The following RBFOX1 variants were observed in gnomAD, a reference collection of about 807,000 sequenced individuals.
RBFOX1 encodes RNA binding fox-1 homolog 1, also known as RNA binding protein fox-1 homolog 1.
In RBFOX1, 8 loss-of-function variants were observed where a neutral mutation model predicts 57.7. The observed-to-expected ratio is 0.14, with a 90% confidence interval of 0.08 to 0.25. RBFOX1 has a LOEUF of 0.25. RBFOX1 is among the 10% of genes least tolerant of loss of function. RBFOX1 has a pLI of 1.00. For missense variants in RBFOX1, 611 were observed against 548.5 expected (o/e 1.11, Z -1.14); for synonymous variants, 326 against 222.4 (o/e 1.47, Z -4.15).
intron 3 of RBFOX1, among the ~76,000 whole-genome samples, chr16:6,995,902 A>G (rs559955447): frequency 6.6e-6 from 1 of 152,334 alleles, no homozygotes; most frequent in East Asian, 1.9e-4. Context: ...TGAACCATAA[A>G]TTTATTAGAA....
chr16:7,384,439 C>G (rs2097844418), intron 4 of RBFOX1, among the ~76,000 whole-genome samples: 1 of 152,144 alleles, frequency 6.6e-6, no homozygotes. Flanking sequence ...TGAATTTAGG[C>G]TTGGAGCTGA....
At chr16:5,376,658 G>A (rs975776570) in intron 1 of RBFOX1, among the ~76,000 whole-genome samples, 1 of 151,888 alleles carries the variant, frequency 6.6e-6, no homozygotes, top group Admixed American at 6.5e-5. Context: ...GTTACTAGGC[G>A]TGGCACATGC....
At chr16:5,974,506 A>T (rs1230245590) in intron 4 of RBFOX1, among the ~76,000 whole-genome samples, 2 of 152,102 alleles carry the variant, frequency 1.3e-5, no homozygotes, top group African/African-American at 4.8e-5. Context: ...GCTACTCGGG[A>T]GGCTGAGGCA....
intron 2 of RBFOX1, among the ~76,000 whole-genome samples, chr16:6,506,161 C>T (rs1031333225): frequency 5.3e-5 from 8 of 152,190 alleles, no homozygotes; most frequent in South Asian, 2.1e-4. Context: ...AATTTAGAAG[C>T]GAAGAGTCTT....
At chr16:6,860,413 C>G (rs1343149974) in intron 3 of RBFOX1, among the ~76,000 whole-genome samples, 1 of 152,206 alleles carries the variant, frequency 6.6e-6, no homozygotes, top group Non-Finnish European at 1.5e-5. Context: ...TCTTACAAAA[C>G]ACTACACGTT....
chr16:7,409,650 C>G (rs1013801972), intron 4 of RBFOX1, among the ~76,000 whole-genome samples: 2 of 152,202 alleles, frequency 1.3e-5, no homozygotes, highest in Non-Finnish European at 2.9e-5. Flanking sequence ...CAGATGTAAT[C>G]CAATCACTAT....
At chr16:6,436,157 A>G (rs1417936375) in intron 2 of RBFOX1, among the ~76,000 whole-genome samples, 2 of 152,230 alleles carry the variant, frequency 1.3e-5, no homozygotes, top group South Asian at 2.1e-4. Context: ...GGTTAAAAAG[A>G]TAAATGCAGC....
intron 3 of RBFOX1, among the ~76,000 whole-genome samples, chr16:7,040,181 A>C (rs2045723838): frequency 6.6e-6 from 1 of 151,274 alleles, no homozygotes; most frequent in Non-Finnish European, 1.5e-5. Flanking sequence ...CCACCATGCT[A>C]GCTAGTTTTC....
At chr16:6,879,039 C>G (rs573831055) in intron 3 of RBFOX1, among the ~76,000 whole-genome samples, 2 of 152,248 alleles carry the variant, frequency 1.3e-5, no homozygotes, top group Admixed American at 6.5e-5. Context: ...TTTGACCACA[C>G]GTGTAGTAGT....
intron 3 of RBFOX1, among the ~76,000 whole-genome samples, chr16:6,711,128 C>T (rs2063636747): frequency 6.6e-6 from 1 of 152,206 alleles, no homozygotes; most frequent in African/African-American, 2.4e-5. Flanking sequence ...ATCCCTGCTG[C>T]AGGAAATCAT....
intron 4 of RBFOX1, among the ~76,000 whole-genome samples, chr16:7,240,890 C>T (rs1047424628): frequency 6.6e-6 from 1 of 152,102 alleles, no homozygotes; most frequent in African/African-American, 2.4e-5. Context: ...TTTTGAAACT[C>T]TTCTTGAAGT....
At chr16:6,784,723 G>T (rs573147465) in intron 3 of RBFOX1, among the ~76,000 whole-genome samples, 4 of 151,536 alleles carry the variant, frequency 2.6e-5, no homozygotes, top group African/African-American at 4.9e-5. Context: ...GTGCTTTATT[G>T]TGTGGATAGT....
intron 1 of RBFOX1, among the ~76,000 whole-genome samples, chr16:5,244,321 C>G (rs1009955202): frequency 1.5e-4 from 23 of 152,360 alleles, no homozygotes; most frequent in African/African-American, 5.5e-4. Context: ...ATATCACCCA[C>G]CTAGACTGCA....
At chr16:7,006,383 G>T (rs1347185848) in intron 3 of RBFOX1, among the ~76,000 whole-genome samples, 1 of 152,080 alleles carries the variant, frequency 6.6e-6, no homozygotes, top group Non-Finnish European at 1.5e-5. Flanking sequence ...TCGATTTTCT[G>T]ACCTTGTGAT....
At chr16:6,340,998 C>T (rs1052512520) in intron 2 of RBFOX1, among the ~76,000 whole-genome samples, 1 of 152,140 alleles carries the variant, frequency 6.6e-6, no homozygotes, top group Admixed American at 6.5e-5. Flanking sequence ...CAGAATGAAG[C>T]CACAGAGATG....
chr16:5,395,386 C>G (rs1281147737), intron 1 of RBFOX1, among the ~76,000 whole-genome samples: 1 of 152,180 alleles, frequency 6.6e-6, no homozygotes, highest in Non-Finnish European at 1.5e-5. Context: ...GACCATGACT[C>G]CTAGAGAGGC....
At chr16:6,789,105 A>T (rs940601807) in intron 3 of RBFOX1, among the ~76,000 whole-genome samples, 17 of 152,066 alleles carry the variant, frequency 1.1e-4, no homozygotes, top group African/African-American at 4.1e-4. Flanking sequence ...GCCTCCCTGA[A>T]TTTACCAGAT....
intron 2 of RBFOX1, among the ~76,000 whole-genome samples, chr16:6,410,117 G>T (rs2093409612): frequency 6.6e-6 from 1 of 151,122 alleles, no homozygotes; most frequent in Non-Finnish European, 1.5e-5. Context: ...CACAAAATTG[G>T]CAACTTTCTT....
At chr16:7,209,972 C>G (rs561927138) in intron 4 of RBFOX1, among the ~76,000 whole-genome samples, 7 of 152,176 alleles carry the variant, frequency 4.6e-5, no homozygotes, top group Non-Finnish European at 1.0e-4. Context: ...CCCATTGATT[C>G]ACCTGTGCTT....
Sources: gnomAD v4.1 joint callset for allele counts (sites outside exome capture counted in the v4.1 genomes callset) on GRCh38, gnomAD v4.1.1 for gene constraint, MANE v1.5 for transcripts, NCBI Gene and HGNC (gene_info 2026-07-23, HGNC 2026-07-21) for gene names.